Variants in NBAS observed in about 807,000 individuals in gnomAD.
NBAS encodes NAG/BC035112 fusion.
In NBAS, 219 loss-of-function variants were observed where a neutral mutation model predicts 302.5. That is an observed-to-expected ratio of 0.72 (90% CI 0.65 to 0.81). The LOEUF (loss-of-function observed/expected upper bound fraction) is 0.81, where lower values mean the gene tolerates loss of function less well. NBAS is among the 30% of genes least tolerant of loss of function. NBAS has a pLI of 0.00. For missense variants in NBAS, 2,932 were observed against 2,841.6 expected (o/e 1.03, Z -0.72); for synonymous variants, 1,118 against 1,021.6 (o/e 1.09, Z -1.80).
the NBAS span, among the ~76,000 whole-genome samples, chr2:14,829,053 T>C: frequency 4.6e-5 from 7 of 151,680 alleles, no homozygotes; most frequent in South Asian, 2.1e-4. Flanking sequence ...TTTTTTTTTT[T>C]CACAGAGTCA....
rs376094709 is a variant in NBAS at position 15,445,976 on chromosome 2, GAC to G, written c.2339+15223_2339+15224del. Reference sequence around the variant, plus strand: ...AGAAGAAAAGAATAGCAAATTTAAGGACACAGTAATAGAAACAATCCAAAATA... The same window carrying G: ...AGAAGAAAAGAATAGCAAATTTAAGGACAGTAATAGAAACAATCCAAAATA... On this transcript the variant is annotated intron_variant, in intron 21 of 51. Coordinates refer to ENST00000281513, the MANE Select transcript of NBAS (RefSeq NM_015909.4). Among the ~76,000 whole-genome samples the G allele has an allele frequency of 2.9e-3, 433 of 150,534 alleles. No homozygotes were observed. In the Middle Eastern group the frequency reaches 0.038, roughly 13 times the overall value.
intron 35 of NBAS, among the ~76,000 whole-genome samples, chr2:15,343,221 T>C (rs1260020875): frequency 6.6e-6 from 1 of 152,102 alleles, no homozygotes; most frequent in Non-Finnish European, 1.5e-5. Context: ...CTTCACTGGC[T>C]CCATGTATGC....
Position 15,276,945 on chromosome 2 carries a change from A to C in NBAS, c.5295T>G (p.Leu1765=). The part of the protein sequence containing the change: ...DHERLQYYFT[L]LENCGCADLG... ...AATCTGCACAGCCACAGTTTTCCAGAAGAGTGAAATAATACTGCAGCCTTT... is the reference window on the plus strand; with the variant it reads ...AATCTGCACAGCCACAGTTTTCCAGCAGAGTGAAATAATACTGCAGCCTTT... Residue 1765 remains leucine (L), a synonymous_variant, in exon 43 of 52, where the codon CTT becomes CTG. Transcript: ENST00000281513. 1 of 1,614,084 alleles carries C rather than the reference A, an allele frequency of 6.2e-7. No homozygotes were observed. The highest frequency in any genetic ancestry group is 8.5e-7 in the Non-Finnish European group (1 of 1,179,980).
intron 47 of NBAS, among the ~76,000 whole-genome samples, chr2:15,222,443 A>G (rs1247065522): frequency 6.6e-6 from 1 of 152,238 alleles, no homozygotes; most frequent in Non-Finnish European, 1.5e-5. Flanking sequence ...AGCTGTTGTC[A>G]TGAAGACAAG....
At chr2:14,841,914 T>C in the NBAS span, among the ~76,000 whole-genome samples, 1 of 151,996 alleles carries the variant, frequency 6.6e-6, no homozygotes, top group Non-Finnish European at 1.5e-5. Context: ...ATATGGAACA[T>C]TCTCCAGAAT....
the NBAS span, among the ~76,000 whole-genome samples, chr2:14,999,118 G>A: frequency 5.9e-5 from 9 of 152,034 alleles, no homozygotes; most frequent in South Asian, 4.2e-4. Context: ...AGAAGGGGGA[G>A]CAAATGCCCA....
intron 38 of NBAS, among the ~76,000 whole-genome samples, chr2:15,309,497 AG>A (rs970166928): frequency 6.6e-6 from 1 of 152,178 alleles, no homozygotes; most frequent in Non-Finnish European, 1.5e-5. Context: ...GCAGCTGCAA[AG>A]GTTAAGTGCA....
At chr2:14,811,575 T>G in the NBAS span, among the ~76,000 whole-genome samples, 1 of 152,108 alleles carries the variant, frequency 6.6e-6, no homozygotes, top group Non-Finnish European at 1.5e-5. Flanking sequence ...GAGGTAGAGG[T>G]CAGGGATGCA....
the NBAS span, among the ~76,000 whole-genome samples, chr2:15,029,208 T>G: frequency 6.6e-6 from 1 of 152,194 alleles, no homozygotes; most frequent in Middle Eastern, 3.2e-3. Context: ...CTTTTAAAGC[T>G]CGTAGAGAAC....
the NBAS span, among the ~76,000 whole-genome samples, chr2:15,131,578 C>A: frequency 2.0e-5 from 3 of 152,084 alleles, no homozygotes; most frequent in Non-Finnish European, 4.4e-5. Flanking sequence ...TTATTTTCTT[C>A]TTTAACTCAT....
intron 47 of NBAS, among the ~76,000 whole-genome samples, chr2:15,231,922 C>T (rs1667398226): frequency 6.6e-6 from 1 of 152,124 alleles, no homozygotes; most frequent in Admixed American, 6.5e-5. Flanking sequence ...ATCATTGTAC[C>T]TGAATGAAAA....
intron 35 of NBAS, among the ~76,000 whole-genome samples, chr2:15,332,834 A>T (rs1460560504): frequency 2.0e-5 from 3 of 152,176 alleles, no homozygotes; most frequent in Non-Finnish European, 4.4e-5. Flanking sequence ...AGACCCCCTT[A>T]CAGATTGTCT....
chr2:15,098,019 T>A, the NBAS span, among the ~76,000 whole-genome samples: 6 of 71,788 alleles, frequency 8.4e-5, no homozygotes, highest in African/African-American at 2.9e-4. Context: ...TATTATATTG[T>A]ATATAATATA....
chr2:15,182,542 C>A (rs1291089422), intron 50 of NBAS, among the ~76,000 whole-genome samples: 1 of 152,166 alleles, frequency 6.6e-6, no homozygotes, highest in African/African-American at 2.4e-5. Flanking sequence ...TAATCCCATA[C>A]AATAGACCCC....
At chr2:15,460,229 T>C (rs1679447028) in intron 21 of NBAS, among the ~76,000 whole-genome samples, 1 of 152,236 alleles carries the variant, frequency 6.6e-6, no homozygotes, top group Admixed American at 6.5e-5. Flanking sequence ...CAAGGTACTT[T>C]ACAGTATACT....
At chr2:15,429,461 A>G (rs1677652779) in intron 21 of NBAS, among the ~76,000 whole-genome samples, 2 of 152,188 alleles carry the variant, frequency 1.3e-5, no homozygotes, top group African/African-American at 4.8e-5. Flanking sequence ...CACAAGAAAC[A>G]CTTCATAAAC....
the NBAS span, among the ~76,000 whole-genome samples, chr2:14,871,058 C>T: frequency 6.6e-6 from 1 of 151,114 alleles, no homozygotes; most frequent in South Asian, 2.1e-4. Context: ...GAAAAATAAA[C>T]ATTAGTGACT....
chr2:15,362,125 T>C (rs1361425169), intron 32 of NBAS, among the ~76,000 whole-genome samples: 1 of 151,998 alleles, frequency 6.6e-6, no homozygotes, highest in Non-Finnish European at 1.5e-5. Flanking sequence ...ATCGATCTTC[T>C]TTATGTACTT....
At chr2:15,391,584 T>G (rs993969271) in intron 28 of NBAS, among the ~76,000 whole-genome samples, 1 of 152,034 alleles carries the variant, frequency 6.6e-6, no homozygotes, top group Non-Finnish European at 1.5e-5. Flanking sequence ...AGATGTATAA[T>G]TGGAGTCCTG....
Sources: allele counts gnomAD v4.1 joint callset (sites outside exome capture counted in the v4.1 genomes callset), GRCh38; gene constraint gnomAD v4.1.1; transcripts MANE v1.5; gene names NCBI Gene and HGNC (gene_info 2026-07-23, HGNC 2026-07-21).